TMEM131: variants seen among roughly 807,000 people sequenced by gnomAD.
TMEM131 encodes the protein 2610524E03Rik.
Under a neutral mutation model 211.6 loss-of-function variants are expected in TMEM131, and 66 were observed. The observed-to-expected ratio is 0.31, with a 90% CI of 0.26 to 0.38. TMEM131 has a LOEUF of 0.38. Ranked by LOEUF, TMEM131 falls within the 10% of genes least tolerant of loss-of-function variation. The pLI, the probability that TMEM131 is intolerant of heterozygous loss-of-function variation, is 1.00. For missense variants in TMEM131, 2,036 were observed against 2,299.3 expected (o/e 0.89, Z 2.34); for synonymous variants, 844 against 841.3 (o/e 1.00, Z -0.06).
At chr2:97,775,269 G>A (rs978985046) in intron 32 of TMEM131, among the ~76,000 whole-genome samples, 6 of 152,188 alleles carry the variant, frequency 3.9e-5, no homozygotes, top group African/African-American at 1.4e-4. Flanking sequence ...CAACGGGCGA[G>A]GCAGCTTCTT....
intron 4 of TMEM131, among the ~76,000 whole-genome samples, chr2:97,885,371 T>A (rs1234826786): frequency 6.6e-6 from 1 of 151,566 alleles, no homozygotes; most frequent in African/African-American, 2.4e-5. Flanking sequence ...TTTTTTTGTA[T>A]TTTTAGTAGA....
chr2:97,903,685 G>GTTTA (rs1553612325), intron 3 of TMEM131, among the ~76,000 whole-genome samples: 48 of 149,992 alleles, frequency 3.2e-4, no homozygotes, highest in East Asian at 1.7e-3. Flanking sequence ...GGGTTTGTTT[G>GTTTA]TTTATTTATT....
At chr2:97,875,700 T>C (rs1234638153) in intron 4 of TMEM131, among the ~76,000 whole-genome samples, 2 of 152,192 alleles carry the variant, frequency 1.3e-5, no homozygotes, top group East Asian at 3.8e-4. Flanking sequence ...CCAGAATCTC[T>C]GGGACACATT....
intron 2 of TMEM131, among the ~76,000 whole-genome samples, chr2:97,924,749 A>C (rs1448805179): frequency 6.6e-6 from 1 of 152,212 alleles, no homozygotes; most frequent in Non-Finnish European, 1.5e-5. Flanking sequence ...ACTTTGGCCA[A>C]GGGCGTGAAC....
At chr2:97,906,825 CT>C (rs951858644) in intron 3 of TMEM131, among the ~76,000 whole-genome samples, 7 of 152,176 alleles carry the variant, frequency 4.6e-5, no homozygotes, top group Non-Finnish European at 8.8e-5. Context: ...TTGCTGTCCC[CT>C]GCCTGAATTT....
At chr2:97,883,152 A>G (rs1675005148) in intron 4 of TMEM131, among the ~76,000 whole-genome samples, 2 of 152,106 alleles carry the variant, frequency 1.3e-5, no homozygotes, top group South Asian at 4.1e-4. Flanking sequence ...TGCGCTCCTG[A>G]CCTAAACACC....
At chr2:97,904,111 A>AT (rs968016386) in intron 3 of TMEM131, among the ~76,000 whole-genome samples, 1 of 152,170 alleles carries the variant, frequency 6.6e-6, no homozygotes, top group Non-Finnish European at 1.5e-5. Context: ...TGGACCCCAA[A>AT]TTTTTTAAAA....
intron 28 of TMEM131, 130 bp from the exon 29 acceptor site, chr2:97,795,245 G>A (rs943294207): frequency 2.8e-5 from 16 of 576,954 alleles, no homozygotes; most frequent in Middle Eastern, 4.6e-4. Context: ...CTCAACTTCC[G>A]TATTTTAAGA....
intron 4 of TMEM131, among the ~76,000 whole-genome samples, chr2:97,868,214 A>T (rs557559779): frequency 6.6e-6 from 1 of 152,280 alleles, no homozygotes; most frequent in Admixed American, 6.5e-5. Flanking sequence ...ACTTTGTCCA[A>T]ATTAACACAG....
intron 40 of TMEM131, among the ~76,000 whole-genome samples, 180 bp downstream of exon 40, chr2:97,758,713 G>A (rs943892511): frequency 2.0e-5 from 3 of 152,234 alleles, no homozygotes; most frequent in African/African-American, 4.8e-5. Context: ...GAAGAACATC[G>A]ATCAGTCATT....
At chr2:97,918,573 C>CA (rs1022511043) in intron 2 of TMEM131, among the ~76,000 whole-genome samples, 8 of 152,038 alleles carry the variant, frequency 5.3e-5, no homozygotes, top group African/African-American at 1.9e-4. Context: ...GGAAATCCCA[C>CA]AGACAAATGA....
At chr2:97,823,086 T>G (rs2105015546) in intron 11 of TMEM131, among the ~76,000 whole-genome samples, 1 of 152,168 alleles carries the variant, frequency 6.6e-6, no homozygotes, top group African/African-American at 2.4e-5. Context: ...TGACGGAGAA[T>G]CCACAACTAT....
At chr2:97,873,386 G>A (rs79554149) in intron 4 of TMEM131, among the ~76,000 whole-genome samples, 2,712 of 152,268 alleles carry the variant, frequency 0.018, 116 homozygotes, top group East Asian at 0.15. Context: ...CCAGCACAGC[G>A]TTCGAGCTCT....
intron 1 of TMEM131, 121 bp from the exon 2 acceptor site, chr2:97,927,608 T>C (rs1213615847): frequency 2.9e-6 from 2 of 683,902 alleles, no homozygotes; most frequent in Non-Finnish European, 4.3e-6. Flanking sequence ...TTAATGGTGA[T>C]GGTTGAAAAG....
intron 1 of TMEM131, among the ~76,000 whole-genome samples, chr2:97,957,543 CAT>C (rs1178537691): frequency 6.6e-6 from 1 of 152,004 alleles, no homozygotes; most frequent in Non-Finnish European, 1.5e-5. Context: ...CCAGCTAACT[CAT>C]AGGATGGGGA....
At chr2:97,772,512 G>A in intron 32 of TMEM131, 88 bp from the exon 33 acceptor site, 6 of 1,424,220 alleles carry the variant, frequency 4.2e-6, no homozygotes, top group Non-Finnish European at 5.7e-6. Context: ...CAAAATCAAA[G>A]ATGTAAAAAT....
At chr2:97,784,722 T>C (rs541367983) in intron 31 of TMEM131, among the ~76,000 whole-genome samples, 1 of 152,004 alleles carries the variant, frequency 6.6e-6, no homozygotes, top group Non-Finnish European at 1.5e-5. Context: ...AAATCTAAAG[T>C]AAGCAGGACA....
At chr2:97,900,358 C>G (rs1465681647) in intron 3 of TMEM131, among the ~76,000 whole-genome samples, 1 of 152,050 alleles carries the variant, frequency 6.6e-6, no homozygotes, top group Admixed American at 6.6e-5. Flanking sequence ...CACCCTCAAG[C>G]TCTGGTAACC....
At chr2:97,945,294 G>T (rs986745426) in intron 1 of TMEM131, among the ~76,000 whole-genome samples, 1 of 152,140 alleles carries the variant, frequency 6.6e-6, no homozygotes, top group Non-Finnish European at 1.5e-5. Context: ...GTTGTCAGGG[G>T]CTGGGAAGGA....
Sources: allele counts gnomAD v4.1 joint callset (sites outside exome capture counted in the v4.1 genomes callset), GRCh38; gene constraint gnomAD v4.1.1; transcripts MANE v1.5; gene names NCBI Gene and HGNC (gene_info 2026-07-23, HGNC 2026-07-21).